Variants in TAFA5 observed in about 807,000 individuals in gnomAD.
TAFA5 encodes TAFA chemokine like family member 5.
A neutral mutation model predicts 15.3 loss-of-function variants in TAFA5; 6 were observed. The observed-to-expected ratio is 0.39, with a 90% CI of 0.21 to 0.77. TAFA5 has a LOEUF of 0.77. Among genes scored for constraint, TAFA5 ranks in the 30% least tolerant of loss-of-function variants. The pLI, the probability that TAFA5 is intolerant of heterozygous loss-of-function variation, is 0.41. For missense variants in TAFA5, 161 were observed against 193.1 expected (o/e 0.83, Z 0.98); for synonymous variants, 103 against 80.7 (o/e 1.28, Z -1.48).
chr22:48,672,593 A>G (rs1276873017), intron 2 of TAFA5, among the ~76,000 whole-genome samples: 1 of 152,170 alleles, frequency 6.6e-6, no homozygotes, highest in African/African-American at 2.4e-5. Flanking sequence ...AGCTTTGAAG[A>G]CATCACTTCC....
chr22:48,562,189 G>C (rs1419363060), intron 1 of TAFA5, among the ~76,000 whole-genome samples: 1 of 152,034 alleles, frequency 6.6e-6, no homozygotes, highest in Non-Finnish European at 1.5e-5. Context: ...CCAGGTTGGA[G>C]TGCAGTGGCG....
At chr22:48,687,910 C>T (rs780383298) in intron 2 of TAFA5, among the ~76,000 whole-genome samples, 31 of 152,284 alleles carry the variant, frequency 2.0e-4, no homozygotes, top group Non-Finnish European at 3.8e-4. Context: ...CCTTTTTGGA[C>T]ATTAAAATTA....
intron 1 of TAFA5, among the ~76,000 whole-genome samples, chr22:48,591,904 C>A (rs1349075000): frequency 5.3e-5 from 8 of 152,196 alleles, no homozygotes; most frequent in Admixed American, 5.2e-4. Context: ...GGCCCGGTGT[C>A]TGTCTCCCCA....
chr22:48,708,894 G>A (rs183376096), intron 3 of TAFA5, among the ~76,000 whole-genome samples: 76 of 152,192 alleles, frequency 5.0e-4, no homozygotes, highest in African/African-American at 1.3e-3. Flanking sequence ...GAGAGGGCTC[G>A]GCTGGGCTGT....
chr22:48,693,384 G>A, intron 2 of TAFA5: 1 of 1,612,656 alleles, frequency 6.2e-7, no homozygotes, highest in East Asian at 2.2e-5. Flanking sequence ...ATGGCCAGGT[G>A]AGTCGGAGAT....
rs369448502 is a variant in TAFA5, at chr22:48,560,567, TTTA to T, written c.112+70886_112+70888del. Among the ~76,000 whole-genome samples, 19,157 of 144,106 alleles carry T rather than the reference TTTA, an allele frequency of 0.13. 1,586 individuals carry two copies. The highest frequency in any genetic ancestry group is 0.24 in the African/African-American group (9,539 of 39,942). The allele number at this position is 144,106 out of a possible 152,430, so 94.5% of individuals were successfully genotyped here. On this transcript the variant is annotated intron_variant, in intron 1 of 3. Transcript: ENST00000402357. This position sits in a 1 kb window ranked among gnomAD's most constrained non-coding sequence, Gnocchi z 4.2. The stretch of plus-strand genomic sequence containing the variant: ...CACTGGGCCATGAAAAACGTTGTAT[TTTA>T]TTATTATTATTATTATTATTATATT...
chr22:48,580,799 C>T (rs1310015330), intron 1 of TAFA5, among the ~76,000 whole-genome samples: 3 of 152,346 alleles, frequency 2.0e-5, no homozygotes, highest in Non-Finnish European at 2.9e-5. Flanking sequence ...CTGCTCATTT[C>T]TCCCTGAGTC....
At chr22:48,687,654 G>A (rs1928405804) in intron 2 of TAFA5, among the ~76,000 whole-genome samples, 1 of 152,020 alleles carries the variant, frequency 6.6e-6, no homozygotes, top group Non-Finnish European at 1.5e-5. Context: ...TTGTAAACAG[G>A]ACCATCCCTG....
chr22:48,674,632 T>C (rs1462031467), intron 2 of TAFA5, among the ~76,000 whole-genome samples: 1 of 152,076 alleles, frequency 6.6e-6, no homozygotes, highest in Non-Finnish European at 1.5e-5. Context: ...TGACTGCCTG[T>C]CCCGGAACAA....
chr22:48,627,335 G>A (rs1402035473), intron 1 of TAFA5, among the ~76,000 whole-genome samples: 6 of 152,246 alleles, frequency 3.9e-5, no homozygotes, highest in South Asian at 2.1e-4. Context: ...GAGCCAGCAC[G>A]TGCCCGGCAG....
At chr22:48,696,414 C>T (rs1046096141) in intron 2 of TAFA5, among the ~76,000 whole-genome samples, 1 of 152,180 alleles carries the variant, frequency 6.6e-6, no homozygotes, top group Non-Finnish European at 1.5e-5. Context: ...CCCTCCTTTC[C>T]TCCCTCCCTC....
chr22:48,580,562 T>A (rs1408963300), intron 1 of TAFA5, among the ~76,000 whole-genome samples: 2 of 152,152 alleles, frequency 1.3e-5, no homozygotes, highest in Non-Finnish European at 2.9e-5. Context: ...GCCCTTGAGG[T>A]TTCCCAGAGC....
chr22:48,670,206 C>T (rs950293162), intron 2 of TAFA5, among the ~76,000 whole-genome samples: 1 of 152,224 alleles, frequency 6.6e-6, no homozygotes, highest in African/African-American at 2.4e-5. Context: ...CTGCTAATGG[C>T]CCTGTGCGCC....
At chr22:48,675,521 G>A (rs1035392851) in intron 2 of TAFA5, among the ~76,000 whole-genome samples, 1 of 152,256 alleles carries the variant, frequency 6.6e-6, no homozygotes, top group African/African-American at 2.4e-5. Flanking sequence ...GGGGAAATAG[G>A]CTGGAGAAGC....
rs1277157278 is a variant in TAFA5, at chr22:48,527,832, G to T, written c.112+38128G>T. Among the ~76,000 whole-genome samples the T allele has an allele frequency of 4.6e-5, 7 of 152,212 alleles. No individual in the cohort carries two copies. The South Asian group carries it at 1.0e-3, about 22-fold the overall frequency. ...GGTCAGAGGGAGGTGCCTGAGATGC[G>T]CCGGGTGTTTCACGGGTAGATGGAG... On this transcript the variant is annotated intron_variant, in intron 1 of 3. Coordinates refer to ENST00000402357, the MANE Select transcript of TAFA5 (RefSeq NM_001082967.3).
intron 2 of TAFA5, among the ~76,000 whole-genome samples, chr22:48,696,401 C>T (rs1928713690): frequency 2.0e-5 from 3 of 152,178 alleles, no homozygotes; most frequent in Non-Finnish European, 2.9e-5. Context: ...TCCCTCCATC[C>T]TTCCCTCCTT....
intron 2 of TAFA5, among the ~76,000 whole-genome samples, chr22:48,655,354 T>C (rs1927198202): frequency 6.6e-6 from 1 of 152,210 alleles, no homozygotes; most frequent in Non-Finnish European, 1.5e-5. Flanking sequence ...CACTTTGTGA[T>C]GTTGAGACTG....
intron 1 of TAFA5, among the ~76,000 whole-genome samples, chr22:48,574,064 T>C (rs904499047): frequency 1.3e-5 from 2 of 152,322 alleles, no homozygotes; most frequent in South Asian, 4.1e-4. Context: ...GAGGAGCTGC[T>C]ACCTTAGATC....
intron 1 of TAFA5, among the ~76,000 whole-genome samples, chr22:48,588,315 C>A (rs1296311973): frequency 6.6e-6 from 1 of 152,206 alleles, no homozygotes; most frequent in Non-Finnish European, 1.5e-5. Context: ...ATGACTTTGC[C>A]ATTGAGGAAA....
Sources: gnomAD v4.1 joint callset for allele counts (sites outside exome capture counted in the v4.1 genomes callset) on GRCh38, gnomAD v4.1.1 for gene constraint, Gnocchi (gnomAD v3.1) non-coding constraint, MANE v1.5 for transcripts, NCBI Gene and HGNC (gene_info 2026-07-23, HGNC 2026-07-21) for gene names.